ADAMTS9: variants seen among roughly 807,000 people sequenced by gnomAD.
ADAMTS9 encodes the protein ADAM metallopeptidase with thrombospondin type 1 motif 9.
Under a neutral mutation model 257.1 loss-of-function variants are expected in ADAMTS9, and 107 were observed. That is an observed-to-expected ratio of 0.42 (90% CI 0.36 to 0.49). The LOEUF (loss-of-function observed/expected upper bound fraction) is 0.49, where lower values mean the gene tolerates loss of function less well. Ranked by LOEUF, ADAMTS9 falls within the 20% of genes least tolerant of loss-of-function variation. The pLI is 0.03. For synonymous variants in ADAMTS9, 982 were observed against 880.9 expected, an observed-to-expected ratio of 1.11 and a Z score of -2.03; for missense variants, 2,353 against 2,469.1, an observed-to-expected ratio of 0.95 and a Z score of 1.00.
At chr3:64,673,585 A>G (rs1299846797) in intron 3 of ADAMTS9, among the ~76,000 whole-genome samples, 1 of 152,236 alleles carries the variant, frequency 6.6e-6, no homozygotes, top group East Asian at 1.9e-4. Flanking sequence ...TTAGATCACA[A>G]TCTAACTGAT....
intron 11 of ADAMTS9, among the ~76,000 whole-genome samples, chr3:64,646,738 A>C (rs9868005): frequency 0.49 from 74,143 of 151,926 alleles, 19,037 homozygotes; most frequent in East Asian, 0.83. Context: ...CACTGAAAAA[A>C]CCACTAGTCT....
In ADAMTS9 at chr3:64,654,685, C is replaced by T. The variant is rs1302746463; in HGVS notation, c.1170-73G>A. On this transcript the variant is annotated intron_variant, in intron 6 of 39. Coordinates refer to ENST00000498707, the MANE Select transcript of ADAMTS9 (RefSeq NM_182920.2). ...TCAATACAAGTAAATACTTTAGGGT[C>T]GTCTAGGCATTCACAACAGTACACA... is the stretch of plus-strand genomic sequence containing the variant. 41 of 1,533,542 alleles carry T rather than the reference C, an allele frequency of 2.7e-5. 1 individual carries two copies. The South Asian group carries it at 4.3e-4, about 16-fold the overall frequency. 95.0% of individuals were successfully genotyped at this position (1,533,542 alleles called of 1,614,324 possible). A position where few individuals can be genotyped will look rare whatever the true frequency, so the allele number is the denominator to read the frequency against.
intron 38 of ADAMTS9, among the ~76,000 whole-genome samples, chr3:64,528,527 C>T (rs2082938412): frequency 6.6e-6 from 1 of 152,068 alleles, no homozygotes; most frequent in African/African-American, 2.4e-5. Context: ...TGAAGTCCAC[C>T]CCCAACCAAG....
intron 39 of ADAMTS9, among the ~76,000 whole-genome samples, chr3:64,518,980 G>A (rs2106864660): frequency 6.6e-6 from 1 of 152,014 alleles, no homozygotes; most frequent in South Asian, 2.1e-4. Flanking sequence ...GTTTCACCAT[G>A]TTGGCCAGAC....
In ADAMTS9 at chr3:64,622,960, G is replaced by A. The variant is rs567476710; in HGVS notation, c.2390-374C>T. ...GATTTGAAAATATGCATTAGTGAAC[G>A]GAACACTTACAAAATTGGTTCCTAG... On this transcript the variant is annotated intron_variant, in intron 16 of 39. Transcript: ENST00000498707. 1.8e-4 allele frequency among the ~76,000 whole-genome samples: 28 copies of A among 152,148 alleles called. No homozygotes were observed. In the South Asian group the frequency reaches 4.1e-3, roughly 23 times the overall value.
At chr3:64,622,035 A>G (rs1209857134) in intron 18 of ADAMTS9, among the ~76,000 whole-genome samples, 163 bp downstream of exon 18, 1 of 152,144 alleles carries the variant, frequency 6.6e-6, no homozygotes, top group African/African-American at 2.4e-5. Context: ...AAAAAGTTCA[A>G]CTTCCCAGCC....
intron 32 of ADAMTS9, among the ~76,000 whole-genome samples, chr3:64,544,885 C>G (rs2083176806): frequency 6.6e-6 from 1 of 152,124 alleles, no homozygotes; most frequent in Admixed American, 6.6e-5. Flanking sequence ...GGCTAATATC[C>G]AGAATCTATG....
intron 11 of ADAMTS9, among the ~76,000 whole-genome samples, chr3:64,644,390 C>A (rs1700733840): frequency 6.6e-6 from 1 of 152,180 alleles, no homozygotes; most frequent in African/African-American, 2.4e-5. Flanking sequence ...TAACTGTGAG[C>A]AAAGGGGACA....
At chr3:64,527,081 C>T (rs1309324360) in intron 38 of ADAMTS9, among the ~76,000 whole-genome samples, 1 of 152,078 alleles carries the variant, frequency 6.6e-6, no homozygotes, top group African/African-American at 2.4e-5. Flanking sequence ...ATAAAAACAG[C>T]CACACGGAGC....
At chr3:64,577,425 G>A (rs1162972482) in intron 28 of ADAMTS9, among the ~76,000 whole-genome samples, 1 of 152,164 alleles carries the variant, frequency 6.6e-6, no homozygotes, top group African/African-American at 2.4e-5. Context: ...AGAAAGAGGC[G>A]AAGATAATAC....
chr3:64,563,990 T>G (rs1247275034), intron 29 of ADAMTS9, among the ~76,000 whole-genome samples: 1 of 152,208 alleles, frequency 6.6e-6, no homozygotes, highest in Non-Finnish European at 1.5e-5. Context: ...ACCCCATGAA[T>G]AAAACAGCAG....
intron 31 of ADAMTS9, 130 bp downstream of exon 31, chr3:64,550,762 C>G: frequency 8.9e-7 from 1 of 1,118,600 alleles, no homozygotes; most frequent in Non-Finnish European, 1.3e-6. Flanking sequence ...AGAAAACACA[C>G]AGTTCACAGT....
At chr3:64,651,409 G>A (rs1700928349) in intron 8 of ADAMTS9, among the ~76,000 whole-genome samples, 2 of 152,166 alleles carry the variant, frequency 1.3e-5, no homozygotes, top group African/African-American at 4.8e-5. Flanking sequence ...ATGCAGGCTG[G>A]CCCATGTATT....
chr3:64,636,956 G>A (rs1559803913), intron 12 of ADAMTS9, among the ~76,000 whole-genome samples: 1 of 152,114 alleles, frequency 6.6e-6, no homozygotes, highest in Non-Finnish European at 1.5e-5. Flanking sequence ...TGAGAGGGGA[G>A]CCCAACCCAA....
chr3:64,653,184 T>C (rs1412342063), intron 8 of ADAMTS9, among the ~76,000 whole-genome samples: 1 of 152,204 alleles, frequency 6.6e-6, no homozygotes, highest in East Asian at 1.9e-4. Context: ...AGAGCTTTAA[T>C]TACTTGATCA....
At chr3:64,545,106 C>T (rs994905899) in intron 32 of ADAMTS9, among the ~76,000 whole-genome samples, 2 of 152,196 alleles carry the variant, frequency 1.3e-5, no homozygotes, top group Non-Finnish European at 2.9e-5. Flanking sequence ...AGTCAGGGAA[C>T]AACAGGTGCT....
chr3:64,613,215 T>C, intron 22 of ADAMTS9, 130 bp downstream of exon 22: 1 of 1,053,394 alleles, frequency 9.5e-7, no homozygotes, highest in Non-Finnish European at 1.4e-6. Flanking sequence ...CTTGATCCAG[T>C]GCCATGGAGG....
intron 12 of ADAMTS9, among the ~76,000 whole-genome samples, chr3:64,641,428 T>C (rs1426126828): frequency 6.6e-6 from 1 of 150,624 alleles, no homozygotes; most frequent in African/African-American, 2.4e-5. Context: ...CATTAACTCG[T>C]CATTTAGCAT....
chr3:64,607,209 T>C, intron 22 of ADAMTS9, 130 bp from the exon 23 acceptor site: 1 of 1,198,772 alleles, frequency 8.3e-7, no homozygotes, highest in Non-Finnish European at 1.2e-6. Flanking sequence ...TCAAATAAAC[T>C]AGGTCGAAGT....
Sources: gnomAD v4.1 joint callset for allele counts (sites outside exome capture counted in the v4.1 genomes callset) on GRCh38, gnomAD v4.1.1 for gene constraint, MANE v1.5 for transcripts, NCBI Gene and HGNC (gene_info 2026-07-23, HGNC 2026-07-21) for gene names.